TSPAN9: variants seen among roughly 807,000 people sequenced by gnomAD.
The protein encoded by TSPAN9 is tetraspanin-9.
In TSPAN9, 16 loss-of-function variants were observed where a neutral mutation model predicts 31.0. That is an observed-to-expected ratio of 0.52 (90% confidence interval 0.35 to 0.78). The LOEUF (loss-of-function observed/expected upper bound fraction) is 0.78, where lower values mean the gene tolerates loss of function less well. Among genes scored for constraint, TSPAN9 ranks in the 30% least tolerant of loss-of-function variants. The pLI is 0.01. For synonymous variants in TSPAN9, 145 were observed against 121.6 expected (o/e 1.19, Z -1.27); for missense variants, 272 against 312.5 (o/e 0.87, Z 0.98).
intron 2 of TSPAN9, among the ~76,000 whole-genome samples, chr12:3,116,516 G>A (rs1326425447): frequency 1.3e-5 from 2 of 152,118 alleles, no homozygotes; most frequent in African/African-American, 2.4e-5. Context: ...AGAGCCCTCC[G>A]TCCTGAGGTC....
chr12:3,207,529 G>T (rs1229611255), intron 3 of TSPAN9, among the ~76,000 whole-genome samples: 10 of 152,268 alleles, frequency 6.6e-5, no homozygotes, highest in Admixed American at 2.0e-4. Flanking sequence ...TCGAGATGTG[G>T]CTTCTAACTC....
chr12:3,212,619 AG>A (rs1565616006), intron 3 of TSPAN9, among the ~76,000 whole-genome samples: 1 of 152,172 alleles, frequency 6.6e-6, no homozygotes, highest in Non-Finnish European at 1.5e-5. Flanking sequence ...CCCAGGGTTC[AG>A]CTGAGCTCTT....
intron 2 of TSPAN9, among the ~76,000 whole-genome samples, chr12:3,174,634 G>C (rs2098353986): frequency 1.3e-5 from 2 of 151,914 alleles, no homozygotes; most frequent in East Asian, 1.9e-4. Context: ...CCAGGCTGGA[G>C]GGCAGTGGCG....
rs2098352203 is a variant in TSPAN9, at chr12:3,172,111, A to G, written c.-17-29066A>G. On this transcript the variant is annotated intron_variant, in intron 2 of 8. Transcript: ENST00000011898. The surrounding 1 kb of genome is among the most constrained non-coding windows in gnomAD (Gnocchi z 4.8). ...ATAAATATTGCTACAGGGCATCTCC[A>G]GCGGCACAAATCACAGGGAAAATAT... The G allele has an allele frequency of 6.6e-6, 1 of 152,256 alleles. No individual in the cohort carries two copies. Among genetic ancestry groups the G allele is most frequent in the Non-Finnish European group, 1.5e-5 (1 of 68,062 alleles). 9.4% of individuals were successfully genotyped at this position (152,256 alleles called of 1,614,324 possible). A position where few individuals can be genotyped will look rare whatever the true frequency, so the allele number is the denominator to read the frequency against.
In TSPAN9 at chr12:3,283,059, C is replaced by G; in HGVS notation, c.663C>G (p.Ala221=). ...GTGTCTTTCAGATCCTGGGCATGGCCTTCTCCATGACCCTCTTCCAGCACA... is the reference window on the plus strand; with the variant it reads ...GTGTCTTTCAGATCCTGGGCATGGCGTTCTCCATGACCCTCTTCCAGCACA... The part of the protein sequence containing the change: ...CILIMQILGM[A]FSMTLFQHIH... Residue 221 remains alanine (A), a synonymous_variant, in exon 9 of 9, where the codon GCC becomes GCG. Coordinates refer to ENST00000011898, the MANE Select transcript of TSPAN9 (RefSeq NM_006675.5). 6.2e-7 allele frequency: 1 copy of G among 1,609,100 alleles called. No homozygotes were observed. The highest frequency in any genetic ancestry group is 1.7e-5 in the Admixed American group (1 of 60,026).
chr12:3,225,324 C>T (rs2098386617), intron 3 of TSPAN9, among the ~76,000 whole-genome samples: 1 of 152,164 alleles, frequency 6.6e-6, no homozygotes, highest in African/African-American at 2.4e-5. Context: ...GCCCAGGGGG[C>T]CTGGAGGACT....
intron 2 of TSPAN9, among the ~76,000 whole-genome samples, chr12:3,185,299 T>C (rs1330975527): frequency 6.6e-6 from 1 of 152,184 alleles, no homozygotes; most frequent in African/African-American, 2.4e-5. Flanking sequence ...TTTTGGTATC[T>C]GTCTCATGTT....
intron 2 of TSPAN9, among the ~76,000 whole-genome samples, chr12:3,146,323 T>C (rs1299261921): frequency 1.3e-5 from 2 of 152,132 alleles, no homozygotes; most frequent in East Asian, 3.9e-4. Context: ...CTCGGGGAGC[T>C]TAGGGTGGGG....
chr12:3,141,734 G>A (rs973637477), intron 2 of TSPAN9, among the ~76,000 whole-genome samples: 5 of 152,186 alleles, frequency 3.3e-5, no homozygotes, highest in African/African-American at 4.8e-5. Flanking sequence ...ATGCAAGGCC[G>A]CTGGTCTAAA....
At chr12:3,204,286 C>A (rs907164894) in intron 3 of TSPAN9, among the ~76,000 whole-genome samples, 3 of 152,226 alleles carry the variant, frequency 2.0e-5, no homozygotes, top group African/African-American at 7.2e-5. Context: ...TGCCTCTGAG[C>A]GCTTGGGAGG....
intron 2 of TSPAN9, among the ~76,000 whole-genome samples, chr12:3,189,615 G>C (rs1015940309): frequency 5.9e-5 from 9 of 152,158 alleles, no homozygotes; most frequent in Non-Finnish European, 1.3e-4. Flanking sequence ...ACTGTAAGAG[G>C]CTTGGTAGCC....
intron 3 of TSPAN9, among the ~76,000 whole-genome samples, chr12:3,218,415 A>C (rs905783441): frequency 3.3e-5 from 5 of 152,230 alleles, no homozygotes; most frequent in Non-Finnish European, 7.3e-5. Context: ...AGCTCTCAAA[A>C]GGACTGCCAG....
Position 3,259,785 on chromosome 12 carries a change from G to T in TSPAN9, c.64-18636G>T, listed in dbSNP as rs569630936. Among the ~76,000 whole-genome samples the T allele has an allele frequency of 3.3e-5, 5 of 152,346 alleles. No homozygotes were observed. In the East Asian group the frequency reaches 7.7e-4, roughly 24 times the overall value. On this transcript the variant is annotated intron_variant, in intron 3 of 8. Transcript: ENST00000011898. ...AGGCAGAGGCCAGGTCTTGTCGGCC[G>T]TGGGAAGGACTCTGTTCCACATGTG...
Position 3,261,254 on chromosome 12 carries a change from G to T in TSPAN9, c.64-17167G>T, listed in dbSNP as rs141707466. On this transcript the variant is annotated intron_variant, in intron 3 of 8. Coordinates refer to ENST00000011898, the MANE Select transcript of TSPAN9 (RefSeq NM_006675.5). ...GAGTACTGACTCCGCATTAGGCTGT[G>T]TTCTTGTTCTAAGAGCTTTAGAAGT... 4.6e-3 allele frequency among the ~76,000 whole-genome samples: 695 copies of T among 152,314 alleles called. 8 individuals are homozygous for T. The highest frequency in any genetic ancestry group is 0.016 in the African/African-American group (656 of 41,558).
intron 3 of TSPAN9, among the ~76,000 whole-genome samples, chr12:3,224,821 C>G (rs2098386329): frequency 6.6e-6 from 1 of 152,250 alleles, no homozygotes; most frequent in Admixed American, 6.5e-5. Context: ...CAGCAGTGCT[C>G]TTCCTGTCTG....
intron 3 of TSPAN9, among the ~76,000 whole-genome samples, chr12:3,201,848 G>A (rs749680117): frequency 1.3e-5 from 2 of 152,210 alleles, no homozygotes; most frequent in Admixed American, 1.3e-4. Context: ...ATGCTCCCGA[G>A]TTGGGGCCTG....
chr12:3,150,272 C>T (rs530845903), intron 2 of TSPAN9, among the ~76,000 whole-genome samples: 61 of 152,308 alleles, frequency 4.0e-4, no homozygotes, highest in South Asian at 1.2e-3. Context: ...CAGAATAGGG[C>T]ACATAGCTGA....
At chr12:3,136,810 C>T (rs55959129) in intron 2 of TSPAN9, among the ~76,000 whole-genome samples, 2,617 of 152,202 alleles carry the variant, frequency 0.017, 72 homozygotes, top group African/African-American at 0.06. Context: ...CATCCGCTCC[C>T]GCCATAGTGT....
At chr12:3,079,809 G>C (rs984188972) in intron 1 of TSPAN9, among the ~76,000 whole-genome samples, 1 of 125,330 alleles carries the variant, frequency 8.0e-6, no homozygotes, top group East Asian at 2.2e-4. Flanking sequence ...GTCTTGCTTT[G>C]TTGCCTGGGC....
Sources: gnomAD v4.1 joint callset for allele counts (sites outside exome capture counted in the v4.1 genomes callset) on GRCh38, gnomAD v4.1.1 for gene constraint, Gnocchi (gnomAD v3.1) non-coding constraint, MANE v1.5 for transcripts, NCBI Gene and HGNC (gene_info 2026-07-23, HGNC 2026-07-21) for gene names.